The following NLRC5 variants were observed in gnomAD, a reference collection of about 807,000 sequenced individuals.
The protein encoded by NLRC5 is protein NLRC5.
In NLRC5, 114 loss-of-function variants were observed where a neutral mutation model predicts 206.9. That is an observed-to-expected ratio of 0.55 (90% CI 0.47 to 0.64). The LOEUF is 0.64. Ranked by LOEUF, NLRC5 falls within the 30% of genes least tolerant of loss-of-function variation. The pLI is 0.00. For missense variants in NLRC5, 2,008 were observed against 2,305.5 expected (o/e 0.87, Z 2.64); for synonymous variants, 952 against 962.8 (o/e 0.99, Z 0.21).
chr16:57,035,660 G>C (rs1182545597), intron 13 of NLRC5, among the ~76,000 whole-genome samples: 4 of 152,144 alleles, frequency 2.6e-5, no homozygotes, highest in African/African-American at 9.7e-5. Context: ...AGCCATCCCC[G>C]ACTCCCAGAC....
intron 1 of NLRC5, among the ~76,000 whole-genome samples, chr16:57,012,015 A>G (rs2059560770): frequency 6.6e-6 from 1 of 152,192 alleles, no homozygotes; most frequent in Admixed American, 6.5e-5. Flanking sequence ...CATTTTCATT[A>G]CTGCCATAAT....
At chr16:57,008,505 G>A (rs530650112) in intron 1 of NLRC5, among the ~76,000 whole-genome samples, 1 of 142,186 alleles carries the variant, frequency 7.0e-6, no homozygotes, top group South Asian at 2.3e-4. Context: ...TTCATGAAAT[G>A]TTTTAAAATT....
At chr16:57,054,474 G>A (rs1235663326) in intron 24 of NLRC5, among the ~76,000 whole-genome samples, 1 of 152,116 alleles carries the variant, frequency 6.6e-6, no homozygotes, top group Admixed American at 6.5e-5. Context: ...CATATACCTC[G>A]AGAGTCATAC....
At chr16:57,058,185 A>G (rs755540303) in intron 28 of NLRC5, 37 bp downstream of exon 28, 11 of 1,562,098 alleles carry the variant, frequency 7.0e-6, no homozygotes, top group Non-Finnish European at 9.6e-6. Flanking sequence ...GATAGCAAGG[A>G]GGAAGGCTCC....
chr16:57,061,995 C>A, intron 32 of NLRC5: 1 of 1,459,662 alleles, frequency 6.9e-7, no homozygotes, highest in East Asian at 3.0e-5. Context: ...TAAACTGAAA[C>A]GAAGTTCTTG....
rs2066469059 is a variant in NLRC5, at chr16:57,061,429, C to A, written c.3987-19C>A. 14 of 1,608,652 alleles carry A rather than the reference C, an allele frequency of 8.7e-6. No individual in the cohort carries two copies. The highest frequency in any genetic ancestry group is 1.1e-5 in the Non-Finnish European group (13 of 1,178,886). The stretch of plus-strand genomic sequence containing the variant: ...CCCACAGGCCTCACCCAGGCTCTGC[C>A]CTGGCTTTCTGCCCTCAGGCTAAGT... On this transcript the variant is annotated intron_variant, in intron 30 of 48. Transcript: ENST00000688547.
chr16:57,016,619 T>G (rs1173204748), intron 1 of NLRC5, among the ~76,000 whole-genome samples: 1 of 152,220 alleles, frequency 6.6e-6, no homozygotes, highest in Non-Finnish European at 1.5e-5. Context: ...TACTCTCAAT[T>G]GTTTAAAAAA....
At chr16:57,036,403 G>T (rs376174748) in intron 14 of NLRC5, among the ~76,000 whole-genome samples, 1 of 151,988 alleles carries the variant, frequency 6.6e-6, no homozygotes, top group African/African-American at 2.4e-5. Context: ...TGTAAAATGC[G>T]TTCATTATAC....
chr16:57,070,971 G>A (rs192682026), intron 38 of NLRC5, among the ~76,000 whole-genome samples: 1 of 93,752 alleles, frequency 1.1e-5, no homozygotes, highest in East Asian at 4.1e-4. Context: ...AAGGAGATGA[G>A]TGAGTGGTGT....
chr16:56,992,722 C>T (rs1427798539), intron 1 of NLRC5, among the ~76,000 whole-genome samples: 1 of 152,044 alleles, frequency 6.6e-6, no homozygotes, highest in Non-Finnish European at 1.5e-5. Context: ...GGTGATCCAC[C>T]TGCCTTGGCC....
chr16:57,037,372 T>A, intron 15 of NLRC5, 88 bp downstream of exon 15: 1 of 1,232,414 alleles, frequency 8.1e-7, no homozygotes, highest in Non-Finnish European at 1.2e-6. Context: ...GCCCAGGCCT[T>A]GGGACGGGCA....
At chr16:57,037,305 C>T (rs1199603731) in intron 15 of NLRC5, 21 bp downstream of exon 15, 87 of 1,591,782 alleles carry the variant, frequency 5.5e-5, no homozygotes, top group Non-Finnish European at 5.8e-5. Context: ...CCTCAGACCA[C>T]GGTACCCATC....
chr16:57,028,035 C>A, intron 6 of NLRC5, 37 bp from the exon 7 acceptor site: 3 of 1,507,530 alleles, frequency 2.0e-6, no homozygotes, highest in Non-Finnish European at 2.8e-6. Context: ...CTCTGCCCAG[C>A]ACTGATCCTC....
chr16:57,023,929 TG>T lies in NLRC5; in HGVS notation c.424+77del, dbSNP rs2060969948. ...GGGCCAAGACCCGGACCCTGGACCTTGTCCCCTGCCAATAAGCCTCCAGAGG... is the reference window on the plus strand; with the variant it reads ...GGGCCAAGACCCGGACCCTGGACCTTTCCCCTGCCAATAAGCCTCCAGAGG... On this transcript the variant is annotated intron_variant, in intron 5 of 48. Coordinates refer to ENST00000688547, the MANE Select transcript of NLRC5 (RefSeq NM_001384950.1). 2.2e-6 allele frequency: 3 copies of T among 1,356,844 alleles called. No homozygotes were observed. The Admixed American group carries it at 6.0e-5, about 27-fold the overall frequency. 84.1% of individuals were successfully genotyped at this position (1,356,844 alleles called of 1,614,324 possible). A position where few individuals can be genotyped will look rare whatever the true frequency, so the allele number is the denominator to read the frequency against.
intron 34 of NLRC5, 135 bp downstream of exon 34, chr16:57,066,749 A>G: frequency 1.3e-6 from 1 of 751,614 alleles, no homozygotes; most frequent in Admixed American, 2.2e-5. Context: ...CAGAGGTCTG[A>G]CCAACCCACT....
intron 38 of NLRC5, among the ~76,000 whole-genome samples, chr16:57,071,743 G>T (rs1214971821): frequency 2.8e-5 from 4 of 144,934 alleles, no homozygotes; most frequent in African/African-American, 5.2e-5. Flanking sequence ...AGTAAGGGGT[G>T]GGGGTGGTTA....
chr16:57,077,740 C>A lies in NLRC5; in HGVS notation c.4941C>A (p.Ser1647Arg). The change falls in exon 42 of 49, where the codon AGC becomes AGA. Residue 1647 changes from serine (S) to arginine (R), a missense_variant. Transcript: ENST00000688547. The part of the protein sequence containing the change: ...RKIDLSGNSI[S>R]SAGGVQLAES... The stretch of plus-strand genomic sequence containing the variant: ...ACAGCCTCTCAGGGAATAGCATCAG[C>A]TCAGCCGGGGGAGTGCAGTTGGCAG... The A allele has an allele frequency of 1.3e-6, 2 of 1,597,926 alleles. No homozygotes were observed. Among genetic ancestry groups the A allele is most frequent in the Non-Finnish European group, 8.5e-7 (1 of 1,171,072 alleles).
chr16:57,053,744 G>A (rs1185441543), intron 24 of NLRC5, among the ~76,000 whole-genome samples: 1 of 152,102 alleles, frequency 6.6e-6, no homozygotes, highest in Non-Finnish European at 1.5e-5. Flanking sequence ...GACCATGCTG[G>A]TCTCAAACTC....
Position 57,022,369 on chromosome 16 carries a change from C to T in NLRC5, c.355+54C>T, listed in dbSNP as rs1045074886. 6.0e-6 allele frequency: 9 copies of T among 1,501,166 alleles called. No homozygotes were observed. The Admixed American group carries it at 1.2e-4, about 20-fold the overall frequency. 93.0% of individuals were successfully genotyped at this position (1,501,166 alleles called of 1,614,324 possible). A position where few individuals can be genotyped will look rare whatever the true frequency, so the allele number is the denominator to read the frequency against. On this transcript the variant is annotated intron_variant, in intron 4 of 48. Coordinates refer to ENST00000688547, the MANE Select transcript of NLRC5 (RefSeq NM_001384950.1). ...GGGGTGGTGAGCACTGTGAAGTCCC[C>T]ACTTCCAAGCTGGAGGAGGCTGTGG... is the stretch of plus-strand genomic sequence containing the variant.
Sources: gnomAD v4.1 joint callset for allele counts (sites outside exome capture counted in the v4.1 genomes callset) on GRCh38, gnomAD v4.1.1 for gene constraint, MANE v1.5 for transcripts, NCBI Gene and HGNC (gene_info 2026-07-23, HGNC 2026-07-21) for gene names.